The following TMEM132C variants were observed in gnomAD, a reference collection of about 807,000 sequenced individuals.
The protein encoded by TMEM132C is protein phosphatase 1, regulatory subunit 152.
Under a neutral mutation model 61.4 loss-of-function variants are expected in TMEM132C, and 29 were observed. The ratio of observed to expected loss-of-function variants is 0.47; its 90% CI spans 0.35 to 0.64. The LOEUF (loss-of-function observed/expected upper bound fraction) is 0.64, where lower values mean the gene tolerates loss of function less well. Ranked by LOEUF, TMEM132C falls within the 30% of genes least tolerant of loss-of-function variation. The pLI is 0.00. For missense variants in TMEM132C, 1,408 were observed against 1,476.9 expected, an observed-to-expected ratio of 0.95 and a Z score of 0.76; for synonymous variants, 656 against 633.1, an observed-to-expected ratio of 1.04 and a Z score of -0.54.
intron 3 of TMEM132C, among the ~76,000 whole-genome samples, chr12:128,549,406 A>C (rs1352809999): frequency 6.6e-6 from 1 of 151,214 alleles, no homozygotes; most frequent in East Asian, 2.0e-4. Flanking sequence ...AGCCACCATC[A>C]CCCCCCGGCG....
At chr12:128,638,017 A>T (rs899582126) in intron 4 of TMEM132C, among the ~76,000 whole-genome samples, 9 of 152,166 alleles carry the variant, frequency 5.9e-5, no homozygotes, top group Admixed American at 5.9e-4. Flanking sequence ...GAGTGCTTTC[A>T]TTTTCTGCAA....
chr12:128,607,033 C>T (rs1452460476), intron 3 of TMEM132C, among the ~76,000 whole-genome samples: 3 of 151,902 alleles, frequency 2.0e-5, no homozygotes, highest in Admixed American at 1.3e-4. Context: ...CGGAGGGTGA[C>T]GAGTGCTGTA....
intron 2 of TMEM132C, among the ~76,000 whole-genome samples, chr12:128,510,922 G>A (rs955998120): frequency 9.9e-5 from 15 of 152,160 alleles, no homozygotes; most frequent in Non-Finnish European, 1.0e-4. Context: ...GCTGTGTGCC[G>A]CTCACCCACC....
intron 4 of TMEM132C, among the ~76,000 whole-genome samples, chr12:128,639,612 A>G (rs1028386904): frequency 1.3e-5 from 2 of 152,208 alleles, no homozygotes; most frequent in Admixed American, 1.3e-4. Flanking sequence ...GTGTTCATAA[A>G]TTAACTCTGA....
At position 128,442,481 on chromosome 12, in the gene TMEM132C, A is replaced by C. The variant is rs141963504; in HGVS notation, c.974+26861A>C. 2.6e-3 allele frequency among the ~76,000 whole-genome samples: 391 copies of C among 152,212 alleles called. 1 individual carries two copies. Among genetic ancestry groups the C allele is most frequent in the African/African-American group, 9.2e-3 (381 of 41,526 alleles). ...ATACTGATTTAATTGGATTAGGGTGAGGTTCAGGCATTGGTATTTTTGTTC... is the reference window on the plus strand; with the variant it reads ...ATACTGATTTAATTGGATTAGGGTGCGGTTCAGGCATTGGTATTTTTGTTC... On this transcript the variant is annotated intron_variant, in intron 2 of 8. Coordinates refer to ENST00000435159, the MANE Select transcript of TMEM132C (RefSeq NM_001136103.3).
chr12:128,543,858 A>G, intron 2 of TMEM132C, 99 bp from the exon 3 acceptor site: 2 of 1,454,260 alleles, frequency 1.4e-6, no homozygotes, highest in Non-Finnish European at 1.8e-6. Flanking sequence ...GTGGAAAAGC[A>G]AAACAGAAAC....
chr12:128,480,117 G>T (rs2136090173), intron 2 of TMEM132C, among the ~76,000 whole-genome samples: 1 of 152,272 alleles, frequency 6.6e-6, no homozygotes, highest in East Asian at 1.9e-4. Context: ...AAATTAGCTG[G>T]ACTTGGGTAG....
chr12:128,489,140 T>C (rs937214879), intron 2 of TMEM132C, among the ~76,000 whole-genome samples: 1 of 152,100 alleles, frequency 6.6e-6, no homozygotes, highest in African/African-American at 2.4e-5. Flanking sequence ...TTCCTTCTCC[T>C]CCACGTGTTC....
intron 4 of TMEM132C, among the ~76,000 whole-genome samples, chr12:128,664,115 C>G (rs1954431550): frequency 1.3e-5 from 2 of 151,112 alleles, no homozygotes; most frequent in African/African-American, 4.9e-5. Context: ...GGCACACGCA[C>G]CCGCACGCAC....
intron 1 of TMEM132C, among the ~76,000 whole-genome samples, chr12:128,352,557 A>G (rs1873372925): frequency 6.6e-6 from 1 of 152,180 alleles, no homozygotes; most frequent in Non-Finnish European, 1.5e-5. Context: ...ACAACAAAAT[A>G]ATGTTTGACC....
intron 1 of TMEM132C, among the ~76,000 whole-genome samples, chr12:128,324,504 A>G (rs916512635): frequency 1.3e-5 from 2 of 152,182 alleles, no homozygotes; most frequent in Non-Finnish European, 2.9e-5. Flanking sequence ...AGGCTTATAA[A>G]TCATGTTTGT....
chr12:128,693,987 G>C lies in TMEM132C; in HGVS notation c.1608G>C (p.Glu536Asp). The C allele has an allele frequency of 6.4e-7, 1 of 1,551,756 alleles. No individual in the cohort carries two copies. Among genetic ancestry groups the C allele is most frequent in the Non-Finnish European group, 8.7e-7 (1 of 1,147,010 alleles). ...TGCAGATCGAGGTCTCTGACACGGA[G>C]CTCAGCCAGATAAAGGGCTGGAGGG... Reference protein sequence around the residue: ...LPLQIEVSDTELSQIKGWRVP... With the variant: ...LPLQIEVSDTDLSQIKGWRVP... Residue 536 changes from glutamate (E) to aspartate (D), a missense_variant, in exon 6 of 9, where the codon GAG (glutamate) becomes GAC (aspartate). By Grantham distance (45) the Glu-to-Asp change is conservative. Transcript: ENST00000435159.
chr12:128,517,908 A>C (rs182598579), intron 2 of TMEM132C, among the ~76,000 whole-genome samples: 21 of 152,310 alleles, frequency 1.4e-4, no homozygotes, highest in African/African-American at 5.1e-4. Context: ...ACAGATCCAA[A>C]AGGGGACATG....
intron 4 of TMEM132C, among the ~76,000 whole-genome samples, chr12:128,649,892 GATA>G (rs754776130): frequency 2.0e-4 from 31 of 152,326 alleles, no homozygotes; most frequent in Non-Finnish European, 3.8e-4. Context: ...CAAATTGACA[GATA>G]AGTAAAGTTT....
rs1409489518 is a variant in TMEM132C at position 128,423,938 on chromosome 12, T to C, written c.974+8318T>C. Among the ~76,000 whole-genome samples, 4 of 144,068 alleles carry C rather than the reference T, an allele frequency of 2.8e-5. No homozygotes were observed. In the South Asian group the frequency reaches 6.7e-4, roughly 24 times the overall value. The allele number at this position is 144,068 out of a possible 152,430, so 94.5% of individuals were successfully genotyped here. On this transcript the variant is annotated intron_variant, in intron 2 of 8. Coordinates refer to ENST00000435159, the MANE Select transcript of TMEM132C (RefSeq NM_001136103.3). ...GCAGGTACCTGTAGTCCCAGCTACT[T>C]GGGGGTGCTGAGGCAGGAGAATGGC...
chr12:128,656,226 T>G (rs1160092539), intron 4 of TMEM132C, among the ~76,000 whole-genome samples: 1 of 152,118 alleles, frequency 6.6e-6, no homozygotes. Flanking sequence ...AATTTTTATA[T>G]TTTTAGTAGA....
chr12:128,696,952 A>G (rs885547), intron 7 of TMEM132C, among the ~76,000 whole-genome samples: 14,798 of 152,262 alleles, frequency 0.097, 1,526 homozygotes, highest in African/African-American at 0.25. Context: ...TCATCTAAAT[A>G]GGAGGGGTCA....
chr12:128,504,044 C>T (rs879665553), intron 2 of TMEM132C, among the ~76,000 whole-genome samples: 1 of 152,102 alleles, frequency 6.6e-6, no homozygotes, highest in Non-Finnish European at 1.5e-5. Context: ...TTTCCTCTCT[C>T]CCCCTCTCCC....
intron 2 of TMEM132C, among the ~76,000 whole-genome samples, chr12:128,517,066 C>CAAAA (rs1253841017): frequency 1.9e-5 from 2 of 107,866 alleles, no homozygotes; most frequent in African/African-American, 6.4e-5. Flanking sequence ...GCTAAAAATA[C>CAAAA]AAAAAAAAAA....
Sources: gnomAD v4.1 joint callset for allele counts (sites outside exome capture counted in the v4.1 genomes callset) on GRCh38, gnomAD v4.1.1 for gene constraint, MANE v1.5 for transcripts, NCBI Gene and HGNC (gene_info 2026-07-23, HGNC 2026-07-21) for gene names.